The following SYNE3 variants were observed in gnomAD, a reference collection of about 807,000 sequenced individuals.
The protein encoded by SYNE3 is nesprin-3.
In SYNE3, 100 loss-of-function variants were observed where a neutral mutation model predicts 111.2. The observed-to-expected ratio is 0.90, with a 90% confidence interval of 0.77 to 1.06. SYNE3 has a LOEUF of 1.06. SYNE3 is among the 50% of genes least tolerant of loss of function. The probability of loss-of-function intolerance (pLI) is 0.00; values close to 1 mark genes in which losing one functional copy is unlikely to be tolerated. For missense variants in SYNE3, 1,160 were observed against 1,240.3 expected (o/e 0.94, Z 0.97); for synonymous variants, 547 against 533.9 (o/e 1.02, Z -0.34).
chr14:95,516,420 ACGCCGGGGCCCCCGCCCCCG>A (rs1169354421), intron 1 of SYNE3, among the ~76,000 whole-genome samples, 156 bp downstream of exon 1: 4 of 151,946 alleles, frequency 2.6e-5, no homozygotes, highest in African/African-American at 9.7e-5. Context: ...CGCAGCTGTC[ACGCCGGGGCCCCCGCCCCCG>A]CGCCGGGCGC....
chr14:95,452,429 A>G, intron 6 of SYNE3, 46 bp from the exon 7 acceptor site: 1 of 1,551,146 alleles, frequency 6.4e-7, no homozygotes, highest in Non-Finnish European at 8.7e-7. Context: ...GCTCCTCAAC[A>G]GGATAAGTGT....
intron 17 of SYNE3, among the ~76,000 whole-genome samples, chr14:95,421,921 CACCCTGAG>C: frequency 6.6e-6 from 1 of 152,340 alleles, no homozygotes; most frequent in African/African-American, 2.4e-5. Flanking sequence ...ACTCTAATCT[CACCCTGAG>C]TCACTTCCTC....
intron 14 of SYNE3, among the ~76,000 whole-genome samples, chr14:95,437,393 C>T (rs1209224188): frequency 2.0e-5 from 3 of 152,204 alleles, no homozygotes; most frequent in Non-Finnish European, 2.9e-5. Flanking sequence ...GGTTCCACTG[C>T]GCATGCTGTC....
chr14:95,433,229 A>C lies in SYNE3; in HGVS notation c.2688+31T>G, dbSNP rs1310207393. The C allele has an allele frequency of 3.1e-6, 5 of 1,607,846 alleles. No homozygotes were observed. The African/African-American group carries it at 6.7e-5, about 22-fold the overall frequency. ...GGCCCAGCTATAGTCCTGTCCCTGGAATCTGGGACCTGCACATCCTTGGCA... is the reference window on the plus strand; with the variant it reads ...GGCCCAGCTATAGTCCTGTCCCTGGCATCTGGGACCTGCACATCCTTGGCA... On this transcript the variant is annotated intron_variant, in intron 16 of 17. Coordinates refer to ENST00000682763, the MANE Select transcript of SYNE3 (RefSeq NM_152592.6).
At chr14:95,456,738 G>C (rs1887463649) in intron 5 of SYNE3, among the ~76,000 whole-genome samples, 1 of 152,098 alleles carries the variant, frequency 6.6e-6, no homozygotes, top group East Asian at 1.9e-4. Context: ...GGGGGTCTGT[G>C]GGCCATGGGT....
intron 17 of SYNE3, among the ~76,000 whole-genome samples, chr14:95,422,345 G>C (rs1256111146): frequency 6.6e-6 from 1 of 152,098 alleles, no homozygotes; most frequent in Non-Finnish European, 1.5e-5. Context: ...GCATCTCTGT[G>C]AGGCCGACTT....
chr14:95,466,017 A>G lies in SYNE3; in HGVS notation c.541T>C (p.Phe181Leu). 6.2e-7 allele frequency: 1 copy of G among 1,612,218 alleles called. No individual in the cohort carries two copies. Among genetic ancestry groups the G allele is most frequent in the Non-Finnish European group, 8.5e-7 (1 of 1,178,442 alleles). Reference protein sequence around the residue: ...DRLLEEAASLFNRIGDPSVDE... With the variant: ...DRLLEEAASLLNRIGDPSVDE... The stretch of plus-strand genomic sequence containing the variant: ...ACGCTGGGGTCCCCGATCCTGTTGA[A>G]CAGGGAGGCTGCCTCCTCCAGCAGC... Residue 181 changes from phenylalanine (F) to leucine (L), a missense_variant, in exon 4 of 18, where the codon TTC becomes CTC. Coordinates refer to ENST00000682763, the MANE Select transcript of SYNE3 (RefSeq NM_152592.6).
At chr14:95,501,383 C>T (rs531373597) in intron 1 of SYNE3, among the ~76,000 whole-genome samples, 70 of 152,290 alleles carry the variant, frequency 4.6e-4, no homozygotes, top group African/African-American at 1.7e-3. Context: ...CGGGAGGCCT[C>T]GTAGAGGAGC....
intron 1 of SYNE3, among the ~76,000 whole-genome samples, chr14:95,513,750 T>TATATATATATAC (rs1890807635): frequency 7.1e-6 from 1 of 140,580 alleles, no homozygotes; most frequent in Non-Finnish European, 1.5e-5. Context: ...TATATATATA[T>TATATATATATAC]ATATATATAT....
chr14:95,472,997 G>A (rs996974093), intron 2 of SYNE3, among the ~76,000 whole-genome samples: 2 of 152,212 alleles, frequency 1.3e-5, no homozygotes, highest in African/African-American at 4.8e-5. Context: ...GGTGGAGGAA[G>A]CACAAGAGAG....
At chr14:95,475,176 G>C (rs189167989) in intron 2 of SYNE3, among the ~76,000 whole-genome samples, 1 of 152,386 alleles carries the variant, frequency 6.6e-6, no homozygotes, top group East Asian at 1.9e-4. Context: ...TCTTGTGCCA[G>C]GTGGGGTGGG....
Position 95,449,933 on chromosome 14 carries a change from C to A in SYNE3, c.1447G>T (p.Glu483Ter). The A allele has an allele frequency of 6.4e-7, 1 of 1,552,620 alleles. No individual in the cohort carries two copies. ...CCAGTTGGCAGGACCACGGTTACCT[C>A]GATCTGGGGCAGGAAGGTGTGAAGG... The part of the protein sequence containing the change: ...PSLHTFLPQI[E>*]AALMESSRLK... The change falls in exon 8 of 18, where the codon GAG (glutamate) becomes TAG (stop). Residue 483 changes from glutamate (E) to a stop codon, truncating the protein, a stop_gained and splice_region_variant. Transcript: ENST00000682763. LOFTEE classifies it high-confidence loss of function.
Position 95,461,255 on chromosome 14 carries a change from G to A in SYNE3, c.628-3917C>T, listed in dbSNP as rs973863706. ...TTCATCACAAGCAGCTCTGATTCAC[G>A]GCCAAGATGCCAGACAGACGCGCCT... On this transcript the variant is annotated intron_variant, in intron 4 of 17. Coordinates refer to ENST00000682763, the MANE Select transcript of SYNE3 (RefSeq NM_152592.6). 2.0e-5 allele frequency among the ~76,000 whole-genome samples: 3 copies of A among 152,238 alleles called. No homozygotes were observed. In the South Asian group the frequency reaches 6.2e-4, roughly 31 times the overall value.
At chr14:95,429,099 C>T (rs1238877032) in intron 17 of SYNE3, among the ~76,000 whole-genome samples, 4 of 152,254 alleles carry the variant, frequency 2.6e-5, no homozygotes, top group Non-Finnish European at 5.9e-5. Context: ...ATACGCCACA[C>T]TCCAACCCGT....
intron 8 of SYNE3, among the ~76,000 whole-genome samples, chr14:95,447,477 G>A (rs989722947): frequency 3.3e-5 from 5 of 152,154 alleles, no homozygotes; most frequent in East Asian, 1.9e-4. Context: ...AGCTAGTGCC[G>A]TGGGAGTTCA....
At chr14:95,481,766 T>C (rs886365244) in intron 1 of SYNE3, among the ~76,000 whole-genome samples, 3 of 152,212 alleles carry the variant, frequency 2.0e-5, no homozygotes, top group African/African-American at 7.2e-5. Flanking sequence ...TAACTGTGAA[T>C]GTCCATCTGG....
chr14:95,503,759 C>T (rs1393340216), intron 1 of SYNE3, among the ~76,000 whole-genome samples: 3 of 151,896 alleles, frequency 2.0e-5, no homozygotes, highest in Non-Finnish European at 4.4e-5. Context: ...GCTGAGACCA[C>T]AGGCATGGGC....
intron 1 of SYNE3, among the ~76,000 whole-genome samples, chr14:95,514,566 A>G (rs1890843776): frequency 6.6e-6 from 1 of 152,252 alleles, no homozygotes; most frequent in Non-Finnish European, 1.5e-5. Flanking sequence ...TGATCAGGGC[A>G]AAGCTCGTTT....
Position 95,410,363 on chromosome 14 carries a change from T to G in SYNE3, c.*7463A>C, listed in dbSNP as rs915387334. On this transcript the variant is annotated 3_prime_UTR_variant, in exon 18 of 18. Transcript: ENST00000682763. Reference sequence around the variant, plus strand: ...CACTCCAAGCCACCCTACCCTTCATTCTTACTAGAAGAGCCCCCATCTTTT... The same window carrying G: ...CACTCCAAGCCACCCTACCCTTCATGCTTACTAGAAGAGCCCCCATCTTTT... The G allele has an allele frequency of 6.6e-6, 1 of 152,254 alleles. No individual in the cohort carries two copies. The highest frequency in any genetic ancestry group is 1.5e-5 in the Non-Finnish European group (1 of 68,076). The allele number at this position is 152,254 out of a possible 1,614,324, so 9.4% of individuals were successfully genotyped here. A position where few individuals can be genotyped will look rare whatever the true frequency, so the allele number is the denominator to read the frequency against.
Sources: gnomAD v4.1 joint callset for allele counts (sites outside exome capture counted in the v4.1 genomes callset) on GRCh38, gnomAD v4.1.1 for gene constraint, MANE v1.5 for transcripts, NCBI Gene and HGNC (gene_info 2026-07-23, HGNC 2026-07-21) for gene names.